The following GLI2 variants were observed in gnomAD, a reference collection of about 807,000 sequenced individuals.
GLI2 encodes transcription activator GLI2.
Under a neutral mutation model 78.9 loss-of-function variants are expected in GLI2, and 22 were observed. That is an observed-to-expected ratio of 0.28 (90% CI 0.20 to 0.40). GLI2 has a LOEUF of 0.40. Among genes scored for constraint, GLI2 ranks in the 10% least tolerant of loss-of-function variants. The pLI is 1.00. For synonymous variants in GLI2, 974 were observed against 963.7 expected, an observed-to-expected ratio of 1.01 and a Z score of -0.20; for missense variants, 2,097 against 2,213.2, an observed-to-expected ratio of 0.95 and a Z score of 1.05.
chr2:120,758,107 G>A (rs1251222952), intron 1 of GLI2, among the ~76,000 whole-genome samples: 1 of 152,176 alleles, frequency 6.6e-6, no homozygotes, highest in East Asian at 1.9e-4. Flanking sequence ...GCCAGCGGGT[G>A]TGAGGAGGGA....
At chr2:120,872,693 G>A (rs1345926475) in intron 2 of GLI2, among the ~76,000 whole-genome samples, 2 of 152,214 alleles carry the variant, frequency 1.3e-5, no homozygotes, top group Admixed American at 6.5e-5. Context: ...GTGTGATTGC[G>A]GACAAGATGC....
rs1405952266 is a variant in GLI2, at chr2:120,896,574, CA to C, written c.149-30786del. 8.5e-5 allele frequency among the ~76,000 whole-genome samples: 13 copies of C among 152,056 alleles called. 1 individual carries two copies. In the South Asian group the frequency reaches 2.5e-3, roughly 29 times the overall value. ...AAATTTTAGCACCACCAACAACTGG[CA>C]TTTTGTTTTGAAGGTGGAAGTGTCA... On this transcript the variant is annotated intron_variant, in intron 2 of 13. Transcript: ENST00000361492.
intron 2 of GLI2, among the ~76,000 whole-genome samples, chr2:120,898,971 A>G (rs942705067): frequency 6.6e-6 from 1 of 152,004 alleles, no homozygotes; most frequent in Non-Finnish European, 1.5e-5. Context: ...AGCACGTGGC[A>G]CCTCCAGACA....
At chr2:120,963,572 G>T (rs1218797543) in intron 5 of GLI2, among the ~76,000 whole-genome samples, 3 of 151,774 alleles carry the variant, frequency 2.0e-5, no homozygotes, top group Admixed American at 6.6e-5. Context: ...TGGGGTGTGT[G>T]TGTATGTGTC....
chr2:120,904,797 C>T (rs776904717), intron 2 of GLI2, among the ~76,000 whole-genome samples: 20 of 152,120 alleles, frequency 1.3e-4, no homozygotes, highest in Non-Finnish European at 2.5e-4. Context: ...CTGCGATCTA[C>T]CAAAGTTGGA....
intron 1 of GLI2, among the ~76,000 whole-genome samples, chr2:120,791,565 A>T (rs1369111707): frequency 6.6e-6 from 1 of 152,188 alleles, no homozygotes; most frequent in Non-Finnish European, 1.5e-5. Flanking sequence ...ATCTCATTGG[A>T]TCTTAAAAAT....
At chr2:120,846,642 C>T (rs796611810) in intron 2 of GLI2, among the ~76,000 whole-genome samples, 2 of 152,302 alleles carry the variant, frequency 1.3e-5, no homozygotes, top group African/African-American at 2.4e-5. Context: ...AAGAGGCAGC[C>T]GTGTTTGGTT....
chr2:120,986,431 G>C lies in GLI2; in HGVS notation c.2059G>C (p.Ala687Pro). ...LTALDDTPPGADTSALAAPSA... is the reference protein window; with the variant it reads ...LTALDDTPPGPDTSALAAPSA... Reference sequence around the variant, plus strand: ...GGCACTGGATGACACACCCCCAGGGGCCGACACCTCAGCCCTGGCTGCCCC... The same window carrying C: ...GGCACTGGATGACACACCCCCAGGGCCCGACACCTCAGCCCTGGCTGCCCC... The change falls in exon 13 of 14, where the codon GCC becomes CCC. Residue 687 changes from alanine (A) to proline (P), a missense_variant. This residue lies in a region of GLI2 where 1,290 missense variants were observed against 1,261.7 expected (regional missense o/e 1.02). Coordinates refer to ENST00000361492, the MANE Select transcript of GLI2 (RefSeq NM_001374353.1). 3 of 1,613,886 alleles carry C rather than the reference G, an allele frequency of 1.9e-6. No homozygotes were observed. In the South Asian group the frequency reaches 3.3e-5, roughly 18 times the overall value.
Position 120,990,369 on chromosome 2 carries a change from C to T in GLI2, c.4404C>T (p.Pro1468=), listed in dbSNP as rs1479946422. ...AGGCCTGTCAGGACAGCATCCAGCC[C>T]CAGCCCTTGCCCTCACCAGGGGTCA... ...QPQACQDSIQ[P]QPLPSPGVNQ... The change falls in exon 14 of 14, where the codon CCC becomes CCT. Residue 1468 remains proline, a synonymous_variant. Transcript: ENST00000361492. The T allele has an allele frequency of 1.2e-6, 2 of 1,613,976 alleles. No individual in the cohort carries two copies. The highest frequency in any genetic ancestry group is 2.2e-5 in the East Asian group (1 of 44,894).
intron 2 of GLI2, among the ~76,000 whole-genome samples, chr2:120,903,083 C>CT (rs139925559): frequency 0.067 from 10,261 of 152,016 alleles, 568 homozygotes; most frequent in African/African-American, 0.15. Context: ...GGGGAATAAA[C>CT]TTTTTTTAAT....
chr2:120,902,416 T>C (rs546119517), intron 2 of GLI2, among the ~76,000 whole-genome samples: 1 of 151,994 alleles, frequency 6.6e-6, no homozygotes, highest in South Asian at 2.1e-4. Context: ...ACTCATCGGG[T>C]GTAGTGGGAG....
At chr2:120,824,044 C>G (rs1685912363) in intron 2 of GLI2, among the ~76,000 whole-genome samples, 1 of 152,132 alleles carries the variant, frequency 6.6e-6, no homozygotes, top group Admixed American at 6.5e-5. Flanking sequence ...AAGAAAGAAC[C>G]AGGTTTTTCT....
intron 2 of GLI2, among the ~76,000 whole-genome samples, chr2:120,908,692 A>T (rs1395968390): frequency 3.3e-5 from 5 of 152,148 alleles, no homozygotes; most frequent in Non-Finnish European, 7.4e-5. Context: ...CACACATAGC[A>T]TGTGCTCTGA....
chr2:120,819,970 T>C (rs1416896633), intron 2 of GLI2, among the ~76,000 whole-genome samples: 3 of 151,942 alleles, frequency 2.0e-5, no homozygotes, highest in South Asian at 4.2e-4. Flanking sequence ...GGCAGAAAAG[T>C]GGGGCCCAGA....
intron 2 of GLI2, among the ~76,000 whole-genome samples, chr2:120,839,531 C>A (rs931740943): frequency 2.0e-5 from 3 of 151,970 alleles, no homozygotes; most frequent in Non-Finnish European, 2.9e-5. Context: ...TGTCCCTTCC[C>A]TGTTTCTTGG....
chr2:120,945,225 G>A (rs553214955), intron 3 of GLI2, among the ~76,000 whole-genome samples: 6 of 152,358 alleles, frequency 3.9e-5, no homozygotes, highest in African/African-American at 1.2e-4. Context: ...GGAGTCAGCC[G>A]TGAGGCCGGG....
In GLI2 at chr2:120,984,380, G is replaced by T. The variant is rs1007181355; in HGVS notation, c.1633-91G>T. 6.6e-6 allele frequency: 9 copies of T among 1,363,554 alleles called. No homozygotes were observed. The African/African-American group carries it at 1.3e-4, about 20-fold the overall frequency. 84.5% of individuals were successfully genotyped at this position (1,363,554 alleles called of 1,614,324 possible). A position where few individuals can be genotyped will look rare whatever the true frequency, so the allele number is the denominator to read the frequency against. On this transcript the variant is annotated intron_variant, in intron 11 of 13. Coordinates refer to ENST00000361492, the MANE Select transcript of GLI2 (RefSeq NM_001374353.1). ...GTTGCCAGCTGGGCTCTGCTGAGGG[G>T]CGTGGGTAGCTTCAGGAGAACAGGG...
At chr2:120,976,131 C>A (rs1316164594) in intron 9 of GLI2, among the ~76,000 whole-genome samples, 1 of 152,162 alleles carries the variant, frequency 6.6e-6, no homozygotes, top group Non-Finnish European at 1.5e-5. Context: ...TAAAGATGAA[C>A]CCACTAAATT....
At chr2:120,912,879 G>A (rs901034317) in intron 2 of GLI2, among the ~76,000 whole-genome samples, 2 of 152,204 alleles carry the variant, frequency 1.3e-5, no homozygotes, top group African/African-American at 2.4e-5. Flanking sequence ...GGTCAAGGGT[G>A]TGGAAGGGTG....
Sources: gnomAD v4.1 joint callset for allele counts (sites outside exome capture counted in the v4.1 genomes callset) on GRCh38, gnomAD v4.1.1 for gene constraint, gnomAD v4.1.1 regional missense constraint, MANE v1.5 for transcripts, NCBI Gene and HGNC (gene_info 2026-07-23, HGNC 2026-07-21) for gene names.